TNRC18: variants seen among roughly 807,000 people sequenced by gnomAD.
The protein encoded by TNRC18 is trinucleotide repeat containing 18, also known as trinucleotide repeat-containing gene 18 protein.
A neutral mutation model predicts 226.7 loss-of-function variants in TNRC18; 69 were observed. That is an observed-to-expected ratio of 0.30 (90% CI 0.25 to 0.37). The LOEUF (loss-of-function observed/expected upper bound fraction) is 0.37. Among genes scored for constraint, TNRC18 ranks in the 10% least tolerant of loss-of-function variants. TNRC18 has a pLI of 1.00. For missense variants in TNRC18, 4,754 were observed against 4,256.6 expected (o/e 1.12, Z -3.25); for synonymous variants, 2,449 against 1,927.6 (o/e 1.27, Z -7.09).
chr7:5,352,312 G>T (rs1243082868), intron 16 of TNRC18, among the ~76,000 whole-genome samples: 3 of 152,136 alleles, frequency 2.0e-5, no homozygotes, highest in Admixed American at 1.3e-4. Flanking sequence ...TCATTGCATG[G>T]CATCTTCCGA....
chr7:5,313,291 T>C lies in TNRC18; in HGVS notation c.7600A>G (p.Thr2534Ala). Residue 2534 changes from threonine to alanine, a missense_variant, in exon 27 of 30, where the codon ACG (threonine) becomes GCG (alanine). By Grantham distance (58) the Thr-to-Ala change is moderately conservative. Transcript: ENST00000430969. ...DLAQEPGPGL[T>A]FEDSGNPKSP... ...TTGGGGTTCCCAGAGTCCTCGAACG[T>C]GAGCCCCGGCCCGGGCTCCTGGGCG... 3 of 1,548,512 alleles carry C rather than the reference T, an allele frequency of 1.9e-6. No individual in the cohort carries two copies. Among genetic ancestry groups the C allele is most frequent in the Non-Finnish European group, 2.6e-6 (3 of 1,146,598 alleles).
At chr7:5,318,943 C>T (rs1009384473) in intron 24 of TNRC18, among the ~76,000 whole-genome samples, 26 of 152,134 alleles carry the variant, frequency 1.7e-4, no homozygotes, top group African/African-American at 6.3e-4. Context: ...ACTGAAAGAT[C>T]CACTGCTTAA....
intron 24 of TNRC18, among the ~76,000 whole-genome samples, chr7:5,318,020 C>T (rs1343356867): frequency 2.0e-5 from 3 of 152,056 alleles, no homozygotes; most frequent in African/African-American, 7.2e-5. Flanking sequence ...TACAGGCACC[C>T]GCCACCACGC....
rs1317118221 is a variant in TNRC18, at chr7:5,333,142, C to T, written c.5720-93G>A. 1.2e-5 allele frequency: 17 copies of T among 1,396,566 alleles called. No individual in the cohort carries two copies. In the East Asian group the frequency reaches 3.2e-4, roughly 27 times the overall value. The allele number at this position is 1,396,566 out of a possible 1,614,324, so 86.5% of individuals were successfully genotyped here. ...TGGACACCATTCCTCCCCGGCGGGA[C>T]CTCCCCGCCAATGGCAGCGCTTCTG... On this transcript the variant is annotated intron_variant, in intron 18 of 29. Transcript: ENST00000430969.
chr7:5,361,569 C>T (rs1033426701), intron 14 of TNRC18, 25 bp downstream of exon 14: 9 of 1,486,556 alleles, frequency 6.1e-6, no homozygotes, highest in East Asian at 2.6e-5. Flanking sequence ...TGCCAGTCCC[C>T]GACCCACCGA....
rs768032774 is a variant in TNRC18 at position 5,324,285 on chromosome 7, T to A, written c.6371A>T (p.Asn2124Ile). Residue 2124 changes from asparagine to isoleucine, a missense_variant, in exon 21 of 30, where the codon AAC (asparagine) becomes ATC (isoleucine). Asn to Ile is a moderately radical substitution (Grantham distance 149). Coordinates refer to ENST00000430969, the MANE Select transcript of TNRC18 (RefSeq NM_001080495.3). This position sits in a 1 kb window ranked among gnomAD's most constrained non-coding sequence, Gnocchi z 4.8. The part of the protein sequence containing the change: ...SMAAEEDFEP[N>I]QDSSFSEDEH... ...GTCCTCAGAGAAGCTCGAGTCTTGG[T>A]TGGGTTCAAAGTCCTCCTCGGCTGC... The A allele has an allele frequency of 1.9e-6, 3 of 1,613,472 alleles. No homozygotes were observed. Among genetic ancestry groups the A allele is most frequent in the Non-Finnish European group, 2.5e-6 (3 of 1,179,712 alleles).
intron 5 of TNRC18, among the ~76,000 whole-genome samples, chr7:5,385,914 C>T (rs1453600594): frequency 1.2e-4 from 16 of 135,314 alleles, no homozygotes; most frequent in Non-Finnish European, 2.1e-4. Context: ...ACCCAGGAGG[C>T]GGAGGTTGCA....
In TNRC18 at chr7:5,389,239, C is replaced by CG. The variant is rs1254638801; in HGVS notation, c.584dup (p.Ala196GlyfsTer65). ...CGTCCCGCGACGACGAGCCTTTGGC[C>CG]GGGGCGCCCGAGGAGTGGCCGCCGC... On this transcript the variant is annotated frameshift_variant, in exon 5 of 30. Coordinates refer to ENST00000430969, the MANE Select transcript of TNRC18 (RefSeq NM_001080495.3). LOFTEE classifies it high-confidence loss of function. The CG allele has an allele frequency of 7.5e-7, 1 of 1,330,938 alleles. No individual in the cohort carries two copies. Among genetic ancestry groups the CG allele is most frequent in the Non-Finnish European group, 9.6e-7 (1 of 1,042,682 alleles). 82.4% of individuals were successfully genotyped at this position (1,330,938 alleles called of 1,614,324 possible). A position where few individuals can be genotyped will look rare whatever the true frequency, so the allele number is the denominator to read the frequency against.
At position 5,344,776 on chromosome 7, in the gene TNRC18, C is replaced by T. The variant is rs1213305031; in HGVS notation, c.5719+786G>A. Among the ~76,000 whole-genome samples the T allele has an allele frequency of 3.3e-5, 5 of 152,196 alleles. No individual in the cohort carries two copies. The South Asian group carries it at 6.2e-4, about 19-fold the overall frequency. On this transcript the variant is annotated intron_variant, in intron 18 of 29. Coordinates refer to ENST00000430969, the MANE Select transcript of TNRC18 (RefSeq NM_001080495.3). The stretch of plus-strand genomic sequence containing the variant: ...TGACCATCTCCATCTCCGGCACTGA[C>T]CCCAGCTGCAGGTGAGCTGCGTCCG...
intron 5 of TNRC18, among the ~76,000 whole-genome samples, chr7:5,380,917 CT>C (rs1779352861): frequency 6.6e-6 from 1 of 152,214 alleles, no homozygotes; most frequent in African/African-American, 2.4e-5. Flanking sequence ...CTCACGCCCC[CT>C]GGGTCCTCCT....
chr7:5,325,160 G>C lies in TNRC18; in HGVS notation c.6236C>G (p.Ala2079Gly), dbSNP rs529066971. The C allele has an allele frequency of 1.9e-6, 3 of 1,552,382 alleles. No individual in the cohort carries two copies. Among genetic ancestry groups the C allele is most frequent in the African/African-American group, 1.4e-5 (1 of 73,308 alleles). ...ALPSEARAPH[A>G]SSLTAAKRSK... The stretch of plus-strand genomic sequence containing the variant: ...CCTTTTGGCAGCGGTCAGGGAGCTG[G>C]CGTGAGGAGCCCTGGCCTCAGAGGG... Residue 2079 changes from alanine (A) to glycine (G), a missense_variant, in exon 20 of 30, where the codon GCC becomes GGC. Transcript: ENST00000430969.
intron 2 of TNRC18, among the ~76,000 whole-genome samples, chr7:5,399,245 G>A (rs533344295): frequency 1.3e-5 from 2 of 152,258 alleles, no homozygotes; most frequent in Admixed American, 6.5e-5. Flanking sequence ...CTGGCCTCTC[G>A]AAAGACTTGA....
intron 16 of TNRC18, among the ~76,000 whole-genome samples, chr7:5,353,728 T>C (rs184713404): frequency 2.9e-3 from 444 of 152,262 alleles, no homozygotes; most frequent in Non-Finnish European, 4.4e-3. Context: ...TGACCCAGAA[T>C]TGCAGAAAAG....
intron 19 of TNRC18, among the ~76,000 whole-genome samples, chr7:5,330,751 G>A (rs1583797959): frequency 6.6e-6 from 1 of 152,272 alleles, no homozygotes; most frequent in Non-Finnish European, 1.5e-5. Context: ...TCAGCTCACT[G>A]CAACCTCCGC....
chr7:5,342,261 T>C (rs1163605711), intron 18 of TNRC18, among the ~76,000 whole-genome samples: 1 of 151,880 alleles, frequency 6.6e-6, no homozygotes, highest in Non-Finnish European at 1.5e-5. Flanking sequence ...AAACCCTGTC[T>C]CTACTAAAAA....
At chr7:5,354,443 C>G (rs1268144382) in intron 16 of TNRC18, among the ~76,000 whole-genome samples, 2 of 151,942 alleles carry the variant, frequency 1.3e-5, no homozygotes, top group Non-Finnish European at 2.9e-5. Flanking sequence ...GCAATCTCCC[C>G]CGACTTCCCT....
At chr7:5,403,571 G>C (rs541038879) in intron 2 of TNRC18, among the ~76,000 whole-genome samples, 31 of 151,122 alleles carry the variant, frequency 2.1e-4, no homozygotes, top group African/African-American at 5.9e-4. Flanking sequence ...GGCAGGAGTC[G>C]TTTGAGGCCA....
At chr7:5,308,631 G>A (rs1431770555) in intron 29 of TNRC18, among the ~76,000 whole-genome samples, 1 of 152,126 alleles carries the variant, frequency 6.6e-6, no homozygotes, top group Non-Finnish European at 1.5e-5. Context: ...GAGAGTCAGA[G>A]GGCAAGAATG....
Position 5,377,337 on chromosome 7 carries a change from A to ACCC in TNRC18, c.2461+33_2461+34insGGG. The ACCC allele has an allele frequency of 2.8e-6, 2 of 723,880 alleles. No homozygotes were observed. Among genetic ancestry groups the ACCC allele is most frequent in the Non-Finnish European group, 4.1e-6 (2 of 483,988 alleles). 44.8% of individuals were successfully genotyped at this position (723,880 alleles called of 1,614,324 possible). A position where few individuals can be genotyped will look rare whatever the true frequency, so the allele number is the denominator to read the frequency against. The stretch of plus-strand genomic sequence containing the variant: ...ACCCGCCCCCTCCCACCCCTCCCTC[A>ACCC]GAGAAGGGGAGAGACCCTGTGCCCC... On this transcript the variant is annotated intron_variant, in intron 7 of 29. Coordinates refer to ENST00000430969, the MANE Select transcript of TNRC18 (RefSeq NM_001080495.3). The surrounding 1 kb of genome is among the most constrained non-coding windows in gnomAD (Gnocchi z 5.8).
Sources: gnomAD v4.1 joint callset for allele counts (sites outside exome capture counted in the v4.1 genomes callset) on GRCh38, gnomAD v4.1.1 for gene constraint, Gnocchi (gnomAD v3.1) non-coding constraint, MANE v1.5 for transcripts, NCBI Gene and HGNC (gene_info 2026-07-23, HGNC 2026-07-21) for gene names.